The following SLC19A3 variants were observed in gnomAD, a reference collection of about 807,000 sequenced individuals.
SLC19A3 encodes thiamine transporter 2.
In SLC19A3, 31 loss-of-function variants were observed where a neutral mutation model predicts 40.2. The observed-to-expected ratio is 0.77, with a 90% CI of 0.58 to 1.04. The LOEUF (loss-of-function observed/expected upper bound fraction) is 1.04, where lower values mean the gene tolerates loss of function less well. SLC19A3 is among the 50% of genes least tolerant of loss of function. The pLI, the probability that SLC19A3 is intolerant of heterozygous loss-of-function variation, is 0.00. For synonymous variants in SLC19A3, 212 were observed against 227.5 expected (o/e 0.93, Z 0.61); for missense variants, 592 against 596.7 (o/e 0.99, Z 0.08).
At position 227,686,238 on chromosome 2, in the gene SLC19A3, C is replaced by A; in HGVS notation, c.*1159G>T. Reference sequence around the variant, plus strand: ...AAATCAGGTGTTTTATTCCACTCCCCCCATCAGTGTTTTCTTATTTCTAAT... The same window carrying A: ...AAATCAGGTGTTTTATTCCACTCCCACCATCAGTGTTTTCTTATTTCTAAT... On this transcript the variant is annotated 3_prime_UTR_variant, in exon 6 of 6. Coordinates refer to ENST00000644224, the MANE Select transcript of SLC19A3 (RefSeq NM_025243.4). The A allele has an allele frequency of 2.7e-6, 1 of 370,412 alleles. No homozygotes were observed. Among genetic ancestry groups the A allele is most frequent in the Non-Finnish European group, 5.4e-6 (1 of 184,366 alleles). The allele number at this position is 370,412 out of a possible 1,614,324, so 22.9% of individuals were successfully genotyped here. A position where few individuals can be genotyped will look rare whatever the true frequency, so the allele number is the denominator to read the frequency against.
At chr2:227,701,241 G>A in intron 2 of SLC19A3, 1 of 441,400 alleles carries the variant, frequency 2.3e-6, no homozygotes, top group Non-Finnish European at 3.9e-6. Context: ...TTTACACAGT[G>A]TTTTCAAGGC....
chr2:227,705,152 T>C (rs1427113899), intron 1 of SLC19A3, among the ~76,000 whole-genome samples: 1 of 152,154 alleles, frequency 6.6e-6, no homozygotes, highest in Non-Finnish European at 1.5e-5. Context: ...TGTTGGATTT[T>C]TTTAATGGTA....
At chr2:227,717,919 A>C (rs2106347641) in intron 1 of SLC19A3, 24 bp downstream of exon 1, 2 of 984,954 alleles carry the variant, frequency 2.0e-6, no homozygotes, top group Admixed American at 6.2e-5. Context: ...TCTTCAATTA[A>C]TTCGCCCCCC....
intron 4 of SLC19A3, among the ~76,000 whole-genome samples, chr2:227,692,838 T>C (rs2106323066): frequency 6.6e-6 from 1 of 152,290 alleles, no homozygotes; most frequent in East Asian, 1.9e-4. Context: ...TTAGAACTGA[T>C]AAATAAGTTC....
chr2:227,702,380 T>G, intron 1 of SLC19A3, 60 bp from the exon 2 acceptor site: 1 of 1,566,792 alleles, frequency 6.4e-7, no homozygotes, highest in South Asian at 1.2e-5. Flanking sequence ...GCATCCTTGA[T>G]GCGATGAAAA....
rs1331695930 is a variant in SLC19A3, at chr2:227,706,361, C to G, written c.-2-4041G>C. 7 of 1,231,508 alleles carry G rather than the reference C, an allele frequency of 5.7e-6. No homozygotes were observed. In the African/African-American group the frequency reaches 9.3e-5, roughly 16 times the overall value. The allele number at this position is 1,231,508 out of a possible 1,614,324, so 76.3% of individuals were successfully genotyped here. A position where few individuals can be genotyped will look rare whatever the true frequency, so the allele number is the denominator to read the frequency against. ...CTTTCCCCTTCATTTTCTGTGTGTT[C>G]CAAATCACAAGATAGTCCTTTTAAA... On this transcript the variant is annotated intron_variant, in intron 1 of 5. Transcript: ENST00000644224.
At chr2:227,709,939 G>A (rs1213603824) in intron 1 of SLC19A3, among the ~76,000 whole-genome samples, 1 of 152,036 alleles carries the variant, frequency 6.6e-6, no homozygotes, top group Admixed American at 6.6e-5. Flanking sequence ...AAAAAATGGG[G>A]GAGGAGTTAG....
chr2:227,700,153 A>G (rs1051023722), intron 2 of SLC19A3, among the ~76,000 whole-genome samples: 4 of 151,966 alleles, frequency 2.6e-5, no homozygotes, highest in African/African-American at 9.7e-5. Context: ...CTGGGATTAT[A>G]GGCGTGAGCC....
chr2:227,701,254 A>AGGCTAT (rs1247135078), intron 2 of SLC19A3: 2 of 371,526 alleles, frequency 5.4e-6, no homozygotes, highest in East Asian at 1.9e-4. Flanking sequence ...TTCAAGGCTA[A>AGGCTAT]GGCTGGAGAT....
At chr2:227,710,982 A>T (rs1014483304) in intron 1 of SLC19A3, among the ~76,000 whole-genome samples, 4 of 152,230 alleles carry the variant, frequency 2.6e-5, no homozygotes, top group African/African-American at 9.6e-5. Context: ...CTAAAATAGA[A>T]GAGAATATAA....
chr2:227,699,195 C>A lies in SLC19A3; in HGVS notation c.520G>T (p.Val174Phe), dbSNP rs59736804. The A allele has an allele frequency of 6.2e-7, 1 of 1,614,040 alleles. No homozygotes were observed. The highest frequency in any genetic ancestry group is 8.5e-7 in the Non-Finnish European group (1 of 1,180,030). The change falls in exon 3 of 6, where the codon GTC (valine) becomes TTC (phenylalanine). Residue 174 changes from valine (V) to phenylalanine (F), a missense_variant. By Grantham distance (50) the Val-to-Phe change is conservative. Transcript: ENST00000644224. Reference protein sequence around the residue: ...LANMSYFYLNVISLASVSVAF... With the variant: ...LANMSYFYLNFISLASVSVAF... ...ACGGAGACAGAGGCCAAGGATATGA[C>A]GTTGAGGTAAAAGTACGACATGTTC...
chr2:227,709,291 G>A (rs79079087), intron 1 of SLC19A3, among the ~76,000 whole-genome samples: 1 of 152,108 alleles, frequency 6.6e-6, no homozygotes, highest in Admixed American at 6.6e-5. Context: ...AGATCAGCCT[G>A]GCCAACATTG....
At position 227,699,250 on chromosome 2, in the gene SLC19A3, C is replaced by T. The variant is rs370907418; in HGVS notation, c.465G>A (p.Ser155=). Residue 155 remains serine (S), a synonymous_variant, in exon 3 of 6, where the codon TCG becomes TCA. Coordinates refer to ENST00000644224, the MANE Select transcript of SLC19A3 (RefSeq NM_025243.4). ...SVTLAAYTAG[S]VLAQLLVSLA... is the part of the protein sequence containing the mutation. Reference sequence around the variant, plus strand: ...GGGATACCAAGAGTTGAGCCAGCACCGACCCTGCTGTGTAGGCGGCCAGCG... The same window carrying T: ...GGGATACCAAGAGTTGAGCCAGCACTGACCCTGCTGTGTAGGCGGCCAGCG... 3.1e-6 allele frequency: 5 copies of T among 1,614,054 alleles called. No homozygotes were observed. The highest frequency in any genetic ancestry group is 1.3e-5 in the African/African-American group (1 of 75,040).
chr2:227,711,965 G>T (rs1414680173), intron 1 of SLC19A3, among the ~76,000 whole-genome samples: 1 of 143,026 alleles, frequency 7.0e-6, no homozygotes, highest in African/African-American at 2.6e-5. Flanking sequence ...TAGAAGAATC[G>T]CTTGAACCCA....
intron 2 of SLC19A3, chr2:227,701,079 T>C (rs375219363): frequency 7.7e-7 from 1 of 1,302,878 alleles, no homozygotes; most frequent in East Asian, 5.6e-5. Context: ...GCATCTGTCC[T>C]TTGTTGTCTT....
At chr2:227,707,396 G>A (rs989046783) in intron 1 of SLC19A3, among the ~76,000 whole-genome samples, 13 of 152,056 alleles carry the variant, frequency 8.5e-5, no homozygotes, top group African/African-American at 3.1e-4. Flanking sequence ...ACTAGCCTGA[G>A]CGACACGGTG....
At chr2:227,711,040 G>A (rs775556960) in intron 1 of SLC19A3, among the ~76,000 whole-genome samples, 38 of 152,212 alleles carry the variant, frequency 2.5e-4, no homozygotes, top group Non-Finnish European at 4.7e-4. Flanking sequence ...GTCAGCTTAA[G>A]TCAGGGCAAG....
chr2:227,711,419 C>CAAA lies in SLC19A3; in HGVS notation c.-3+6521_-3+6523dup, dbSNP rs140919791. On this transcript the variant is annotated intron_variant, in intron 1 of 5. Transcript: ENST00000644224. The stretch of plus-strand genomic sequence containing the variant: ...TGGGTGACAGAGCGAGACTCTGTCT[C>CAAA]AAAAAAATAAAATAAAATAAAATAA... 1.6e-4 allele frequency among the ~76,000 whole-genome samples: 16 copies of CAAA among 97,502 alleles called. 1 individual carries two copies. The East Asian group carries it at 1.7e-3, about 10-fold the overall frequency. The allele number at this position is 97,502 out of a possible 152,430, so 64.0% of individuals were successfully genotyped here.
intron 4 of SLC19A3, among the ~76,000 whole-genome samples, chr2:227,689,494 A>G (rs889426392): frequency 1.3e-5 from 2 of 152,206 alleles, no homozygotes; most frequent in African/African-American, 2.4e-5. Flanking sequence ...TTTACCCTAG[A>G]ATAGTATATC....
Sources: gnomAD v4.1 joint callset for allele counts (sites outside exome capture counted in the v4.1 genomes callset) on GRCh38, gnomAD v4.1.1 for gene constraint, MANE v1.5 for transcripts, NCBI Gene and HGNC (gene_info 2026-07-23, HGNC 2026-07-21) for gene names.